The following CSNK2A2IP variants were observed in gnomAD, a reference collection of about 807,000 sequenced individuals.
CSNK2A2IP encodes casein kinase 2 subunit alpha' interacting protein.
chr3:88,350,395 T>C, the CSNK2A2IP span, among the ~76,000 whole-genome samples: 1 of 152,142 alleles, frequency 6.6e-6, no homozygotes, highest in Non-Finnish European at 1.5e-5. Context: ...GTGGCTCAAC[T>C]ACAAGTATAA....
At chr3:88,443,642 T>C in the CSNK2A2IP span, among the ~76,000 whole-genome samples, 1 of 152,138 alleles carries the variant, frequency 6.6e-6, no homozygotes, top group African/African-American at 2.4e-5. Context: ...ACTCTTCTTA[T>C]CCACCTTTGA....
chr3:88,386,123 AT>A, the CSNK2A2IP span, among the ~76,000 whole-genome samples: 10,528 of 149,022 alleles, frequency 0.071, 1,059 homozygotes, highest in African/African-American at 0.22. Flanking sequence ...TTTCTATGCT[AT>A]TTTTTTTTTC....
At chr3:88,443,752 G>A in the CSNK2A2IP span, among the ~76,000 whole-genome samples, 1 of 152,116 alleles carries the variant, frequency 6.6e-6, no homozygotes, top group African/African-American at 2.4e-5. Context: ...ACTGAAAACG[G>A]TTGTTGCAGA....
the CSNK2A2IP span, among the ~76,000 whole-genome samples, chr3:88,361,403 T>A: frequency 1.2e-4 from 18 of 152,196 alleles, no homozygotes; most frequent in Non-Finnish European, 1.8e-4. Flanking sequence ...GTTGGAAGAT[T>A]TTTTTCCTCT....
the CSNK2A2IP span, among the ~76,000 whole-genome samples, chr3:88,359,977 T>G: frequency 1.3e-5 from 2 of 152,174 alleles, no homozygotes; most frequent in Non-Finnish European, 2.9e-5. Flanking sequence ...TCCCCAACTA[T>G]TATTGTTTAG....
the CSNK2A2IP span, among the ~76,000 whole-genome samples, chr3:88,435,725 CATT>C: frequency 6.6e-6 from 1 of 152,044 alleles, no homozygotes; most frequent in African/African-American, 2.4e-5. Context: ...CAAACAGAAT[CATT>C]GTTACATGGT....
the CSNK2A2IP span, among the ~76,000 whole-genome samples, chr3:88,409,991 A>G: frequency 6.6e-6 from 1 of 152,088 alleles, no homozygotes; most frequent in Admixed American, 6.6e-5. Context: ...AATTAGGATC[A>G]TTGTGTGTTA....
chr3:88,368,693 C>A, the CSNK2A2IP span, among the ~76,000 whole-genome samples: 12 of 152,136 alleles, frequency 7.9e-5, no homozygotes, highest in East Asian at 1.7e-3. Flanking sequence ...TGTTTGATCC[C>A]ATGATTCGGA....
At chr3:88,400,286 C>T in the CSNK2A2IP span, among the ~76,000 whole-genome samples, 2 of 152,196 alleles carry the variant, frequency 1.3e-5, no homozygotes, top group East Asian at 3.9e-4. Flanking sequence ...GGCCTTACTT[C>T]TAAAATGGAA....
the CSNK2A2IP span, among the ~76,000 whole-genome samples, chr3:88,382,041 G>A: frequency 6.6e-6 from 1 of 152,190 alleles, no homozygotes; most frequent in African/African-American, 2.4e-5. Flanking sequence ...CACTTTTACT[G>A]TAGGCGTATT....
chr3:88,423,628 T>A, the CSNK2A2IP span, among the ~76,000 whole-genome samples: 8 of 152,216 alleles, frequency 5.3e-5, no homozygotes, highest in East Asian at 1.4e-3. Context: ...CAAGTTTCCA[T>A]GCCTAGGGAG....
At chr3:88,415,822 A>T in the CSNK2A2IP span, among the ~76,000 whole-genome samples, 1 of 152,004 alleles carries the variant, frequency 6.6e-6, no homozygotes, top group Non-Finnish European at 1.5e-5. Context: ...TGTCCCTGCA[A>T]CCTGAAGAGA....
the CSNK2A2IP span, among the ~76,000 whole-genome samples, chr3:88,357,889 A>ATT: frequency 9.3e-4 from 140 of 150,826 alleles, 2 homozygotes; most frequent in East Asian, 0.022. Context: ...CAAGTAGCTA[A>ATT]TTTTTTTTTG....
chr3:88,426,726 T>C, the CSNK2A2IP span, among the ~76,000 whole-genome samples: 2 of 152,116 alleles, frequency 1.3e-5, no homozygotes, highest in Non-Finnish European at 2.9e-5. Flanking sequence ...GAAGGATGAA[T>C]TTGCTTTGCC....
the CSNK2A2IP span, among the ~76,000 whole-genome samples, chr3:88,358,688 C>T: frequency 6.6e-6 from 1 of 151,914 alleles, no homozygotes; most frequent in African/African-American, 2.4e-5. Flanking sequence ...GTGATGAATC[C>T]CACTTGATGA....
the CSNK2A2IP span, among the ~76,000 whole-genome samples, chr3:88,462,398 G>A: frequency 5.3e-5 from 8 of 152,052 alleles, no homozygotes; most frequent in Non-Finnish European, 1.2e-4. Context: ...AAACCTCAGT[G>A]TTTATTACTC....
chr3:88,404,706 A>G, the CSNK2A2IP span, among the ~76,000 whole-genome samples: 1 of 147,266 alleles, frequency 6.8e-6, no homozygotes, highest in African/African-American at 2.5e-5. Flanking sequence ...TTTGCCCCTA[A>G]TTCTTAAGTT....
the CSNK2A2IP span, among the ~76,000 whole-genome samples, chr3:88,355,518 C>T: frequency 6.6e-6 from 1 of 152,098 alleles, no homozygotes; most frequent in South Asian, 2.1e-4. Context: ...TTTGGTCACA[C>T]CTCTAGAACC....
the CSNK2A2IP span, among the ~76,000 whole-genome samples, chr3:88,435,421 A>C: frequency 1.3e-5 from 2 of 152,298 alleles, no homozygotes; most frequent in Admixed American, 6.5e-5. Context: ...GCACAAGAAG[A>C]AAATGGTCTC....
Sources: gnomAD v4.1 joint callset for allele counts (sites outside exome capture counted in the v4.1 genomes callset) on GRCh38, gnomAD v4.1.1 for gene constraint, MANE v1.5 for transcripts, NCBI Gene and HGNC (gene_info 2026-07-23, HGNC 2026-07-21) for gene names.